ARHGAP24: variants seen among roughly 807,000 people sequenced by gnomAD.
ARHGAP24 encodes Rho GTPase activating protein 24, also known as rho GTPase-activating protein 24.
ARHGAP24 carries 50 observed loss-of-function variants against 76.4 expected under a neutral mutation model. The ratio of observed to expected loss-of-function variants is 0.65; its 90% CI spans 0.52 to 0.83. The LOEUF (loss-of-function observed/expected upper bound fraction) is 0.83, where lower values mean the gene tolerates loss of function less well. Ranked by LOEUF, ARHGAP24 falls within the 40% of genes least tolerant of loss-of-function variation. The pLI is 0.00. For synonymous variants in ARHGAP24, 345 were observed against 323.3 expected, an observed-to-expected ratio of 1.07 and a Z score of -0.72; for missense variants, 930 against 914.2, an observed-to-expected ratio of 1.02 and a Z score of -0.22.
At chr4:85,833,995 T>C (rs75139755) in intron 3 of ARHGAP24, among the ~76,000 whole-genome samples, 57 of 152,350 alleles carry the variant, frequency 3.7e-4, no homozygotes, top group African/African-American at 1.3e-3. Context: ...TATGTAATAT[T>C]AGTATAAATC....
chr4:85,524,779 G>A (rs1724915649), intron 1 of ARHGAP24, among the ~76,000 whole-genome samples: 1 of 152,230 alleles, frequency 6.6e-6, no homozygotes, highest in South Asian at 2.1e-4. Flanking sequence ...TCTGTGCAGT[G>A]AGCAACCTGA....
chr4:85,520,450 C>G (rs1724694367), intron 1 of ARHGAP24, among the ~76,000 whole-genome samples: 1 of 152,136 alleles, frequency 6.6e-6, no homozygotes, highest in Admixed American at 6.6e-5. Flanking sequence ...TATGTTCCTT[C>G]TAAGATTGCC....
chr4:85,577,110 A>C (rs149190666), intron 2 of ARHGAP24, among the ~76,000 whole-genome samples: 449 of 151,404 alleles, frequency 3.0e-3, no homozygotes, highest in African/African-American at 0.011. Flanking sequence ...TAAGATATTA[A>C]TACTACTCAT....
intron 2 of ARHGAP24, among the ~76,000 whole-genome samples, chr4:85,584,592 A>G (rs1727767606): frequency 6.6e-6 from 1 of 152,096 alleles, no homozygotes; most frequent in Non-Finnish European, 1.5e-5. Flanking sequence ...AAAGTATAAT[A>G]ATAATAAAAG....
chr4:85,495,716 T>C (rs1723553259), intron 1 of ARHGAP24, among the ~76,000 whole-genome samples: 1 of 152,014 alleles, frequency 6.6e-6, no homozygotes, highest in Admixed American at 6.6e-5. Flanking sequence ...CTACTAGTAG[T>C]GTGTCTATTT....
intron 5 of ARHGAP24, among the ~76,000 whole-genome samples, chr4:85,966,206 T>G (rs1177582599): frequency 6.6e-6 from 1 of 152,108 alleles, no homozygotes; most frequent in African/African-American, 2.4e-5. Context: ...GGCCGCACCC[T>G]CATGAATTCA....
intron 2 of ARHGAP24, among the ~76,000 whole-genome samples, chr4:85,589,649 C>T (rs1728004233): frequency 6.6e-6 from 1 of 152,134 alleles, no homozygotes; most frequent in African/African-American, 2.4e-5. Context: ...TCCTTCGCTT[C>T]CCAATATCAA....
intron 3 of ARHGAP24, among the ~76,000 whole-genome samples, chr4:85,754,722 T>G (rs1196384023): frequency 6.6e-6 from 1 of 152,186 alleles, no homozygotes; most frequent in Non-Finnish European, 1.5e-5. Flanking sequence ...GAAGAGCAAT[T>G]GGTAAAAGGC....
chr4:85,749,071 C>T (rs1017687494), intron 3 of ARHGAP24, among the ~76,000 whole-genome samples: 65 of 152,312 alleles, frequency 4.3e-4, no homozygotes, highest in African/African-American at 1.2e-3. Context: ...GGGAACAGGA[C>T]TCCAGCCCAA....
intron 3 of ARHGAP24, among the ~76,000 whole-genome samples, chr4:85,871,995 G>T (rs913298221): frequency 1.8e-4 from 27 of 151,368 alleles, no homozygotes; most frequent in African/African-American, 6.6e-4. Flanking sequence ...TTAAACTAGA[G>T]ATTTAACCAA....
intron 3 of ARHGAP24, among the ~76,000 whole-genome samples, chr4:85,818,954 G>A (rs967785681): frequency 1.3e-5 from 2 of 152,210 alleles, no homozygotes; most frequent in South Asian, 2.1e-4. Context: ...ACAGATTGCC[G>A]TTATATTGCT....
At chr4:85,589,754 A>C (rs1379607400) in intron 2 of ARHGAP24, among the ~76,000 whole-genome samples, 2 of 152,246 alleles carry the variant, frequency 1.3e-5, no homozygotes, top group Non-Finnish European at 2.9e-5. Flanking sequence ...ATTAGGTCAA[A>C]ATACTTTAAT....
chr4:85,757,065 A>G (rs1413593492), intron 3 of ARHGAP24, among the ~76,000 whole-genome samples: 1 of 152,076 alleles, frequency 6.6e-6, no homozygotes, highest in Non-Finnish European at 1.5e-5. Context: ...AGGCCAGATA[A>G]TCTTTCTGAG....
chr4:85,622,553 A>T (rs1720759492), intron 2 of ARHGAP24, among the ~76,000 whole-genome samples: 1 of 151,940 alleles, frequency 6.6e-6, no homozygotes, highest in African/African-American at 2.4e-5. Context: ...GCTGCTATAA[A>T]CATACGTGTG....
At chr4:85,476,938 C>CT (rs1347366483) in intron 1 of ARHGAP24, among the ~76,000 whole-genome samples, 21 of 152,330 alleles carry the variant, frequency 1.4e-4, no homozygotes, top group Admixed American at 1.3e-3. Context: ...CCCTGACTGC[C>CT]TGGCCTTCAG....
chr4:85,860,178 A>G (rs933442567), intron 3 of ARHGAP24, among the ~76,000 whole-genome samples: 30 of 152,244 alleles, frequency 2.0e-4, no homozygotes, highest in Middle Eastern at 6.8e-3. Flanking sequence ...TATATTTAGA[A>G]TGAATTAGGC....
chr4:85,676,134 A>G (rs547024431), intron 2 of ARHGAP24, among the ~76,000 whole-genome samples: 2 of 152,306 alleles, frequency 1.3e-5, no homozygotes, highest in East Asian at 3.9e-4. Flanking sequence ...AGCAGCCTTG[A>G]ACAGAATGCT....
intron 1 of ARHGAP24, among the ~76,000 whole-genome samples, chr4:85,501,968 A>G (rs1490416616): frequency 1.3e-5 from 2 of 152,092 alleles, no homozygotes; most frequent in African/African-American, 2.4e-5. Context: ...AGCCCTATTT[A>G]TTAAATAGGG....
At chr4:85,523,586 A>G (rs1724871656) in intron 1 of ARHGAP24, among the ~76,000 whole-genome samples, 1 of 152,188 alleles carries the variant, frequency 6.6e-6, no homozygotes, top group Non-Finnish European at 1.5e-5. Flanking sequence ...AACTTTAGTT[A>G]TTCCTTTCCT....
Sources: gnomAD v4.1 joint callset for allele counts (sites outside exome capture counted in the v4.1 genomes callset) on GRCh38, gnomAD v4.1.1 for gene constraint, MANE v1.5 for transcripts, NCBI Gene and HGNC (gene_info 2026-07-23, HGNC 2026-07-21) for gene names.